Variants in GDA observed in about 807,000 individuals in gnomAD.
GDA encodes cytoplasmic PSD-95 interactor.
GDA carries 18 observed loss-of-function variants against 59.6 expected under a neutral mutation model. The observed-to-expected ratio is 0.30, with a 90% CI of 0.21 to 0.45. GDA has a LOEUF of 0.45. Among genes scored for constraint, GDA ranks in the 20% least tolerant of loss-of-function variants. The pLI is 1.00. For synonymous variants in GDA, 201 were observed against 201.1 expected (o/e 1.00, Z 0.00); for missense variants, 427 against 552.3 (o/e 0.77, Z 2.27).
chr9:72,187,325 T>C (rs1293918883), intron 1 of GDA, among the ~76,000 whole-genome samples: 1 of 152,196 alleles, frequency 6.6e-6, no homozygotes. Context: ...TTAATCTTGT[T>C]ACCATAGTAG....
intron 10 of GDA, among the ~76,000 whole-genome samples, chr9:72,238,112 C>A (rs1482423954): frequency 6.6e-6 from 1 of 152,182 alleles, no homozygotes; most frequent in Non-Finnish European, 1.5e-5. Context: ...TGACACCCAT[C>A]CACTGCCCAG....
At chr9:72,116,506 C>A (rs1825453543) in intron 1 of GDA, among the ~76,000 whole-genome samples, 2 of 150,764 alleles carry the variant, frequency 1.3e-5, no homozygotes, top group African/African-American at 4.9e-5. Flanking sequence ...CCTCAGCCTT[C>A]CGAGTAGGTA....
chr9:72,249,773 AC>A lies in GDA; in HGVS notation c.*1432del. Reference sequence around the variant, plus strand: ...CACTCATTCCTAGAGCTTAGGGGTGACTCTTTAATATTACCTTATAGTAGAA... The same window carrying A: ...CACTCATTCCTAGAGCTTAGGGGTGATCTTTAATATTACCTTATAGTAGAA... On this transcript the variant is annotated 3_prime_UTR_variant, in exon 14 of 14. Transcript: ENST00000358399. 1 of 856,842 alleles carries A rather than the reference AC, an allele frequency of 1.2e-6. No homozygotes were observed. The highest frequency in any genetic ancestry group is 1.4e-6 in the Non-Finnish European group (1 of 712,930). 53.1% of individuals were successfully genotyped at this position (856,842 alleles called of 1,614,324 possible). A position where few individuals can be genotyped will look rare whatever the true frequency, so the allele number is the denominator to read the frequency against.
rs1210258351 is a variant in GDA at position 72,249,170 on chromosome 9, G to T, written c.*828G>T. Reference sequence around the variant, plus strand: ...AGATGTTATTGCTTCCATTTTATTAGAAGAGAAACAAATTCCATGCTTTAT... The same window carrying T: ...AGATGTTATTGCTTCCATTTTATTATAAGAGAAACAAATTCCATGCTTTAT... On this transcript the variant is annotated 3_prime_UTR_variant, in exon 14 of 14. Coordinates refer to ENST00000358399, the MANE Select transcript of GDA (RefSeq NM_004293.5). The T allele has an allele frequency of 1.0e-6, 1 of 983,290 alleles. No homozygotes were observed. Among genetic ancestry groups the T allele is most frequent in the Non-Finnish European group, 1.2e-6 (1 of 828,074 alleles). The allele number at this position is 983,290 out of a possible 1,614,324, so 60.9% of individuals were successfully genotyped here. A position where few individuals can be genotyped will look rare whatever the true frequency, so the allele number is the denominator to read the frequency against.
intron 1 of GDA, among the ~76,000 whole-genome samples, chr9:72,174,981 G>T (rs1378918245): frequency 6.6e-6 from 1 of 152,088 alleles, no homozygotes; most frequent in African/African-American, 2.4e-5. Context: ...TGCTTAGGGG[G>T]TCTGAAATGG....
chr9:72,205,798 C>G (rs370880117), intron 3 of GDA, among the ~76,000 whole-genome samples: 1 of 152,140 alleles, frequency 6.6e-6, no homozygotes. Context: ...GAAGCATGCT[C>G]AGGCCAAATT....
At chr9:72,208,061 A>G (rs575601233) in intron 3 of GDA, among the ~76,000 whole-genome samples, 107 of 152,234 alleles carry the variant, frequency 7.0e-4, no homozygotes, top group Admixed American at 1.2e-3. Flanking sequence ...GTGATGTGTG[A>G]TGGCACCTCT....
rs1212255344 is a variant in GDA at position 72,250,865 on chromosome 9, AT to A, written c.*2525del. The A allele has an allele frequency of 6.3e-7, 1 of 1,589,538 alleles. No homozygotes were observed. The highest frequency in any genetic ancestry group is 1.3e-5 in the African/African-American group (1 of 74,332). On this transcript the variant is annotated 3_prime_UTR_variant, in exon 14 of 14. Transcript: ENST00000358399. Reference sequence around the variant, plus strand: ...AGGTAAAAACAATTCAAAAGTATCGATTATCATAAATTCACAAAATATTTTT... The same window carrying A: ...AGGTAAAAACAATTCAAAAGTATCGATATCATAAATTCACAAAATATTTTT...
chr9:72,124,025 T>C (rs1587296529), intron 1 of GDA, among the ~76,000 whole-genome samples: 2 of 152,170 alleles, frequency 1.3e-5, no homozygotes, highest in East Asian at 3.9e-4. Flanking sequence ...AGTGGAACAC[T>C]TGAGAGTATT....
At chr9:72,223,388 T>A (rs1053719281) in intron 7 of GDA, among the ~76,000 whole-genome samples, 161 bp downstream of exon 7, 7 of 152,228 alleles carry the variant, frequency 4.6e-5, no homozygotes, top group Non-Finnish European at 8.8e-5. Flanking sequence ...AAAGGACCCC[T>A]GTAGATATCA....
At chr9:72,154,757 G>C (rs567984178) in intron 1 of GDA, among the ~76,000 whole-genome samples, 1 of 152,280 alleles carries the variant, frequency 6.6e-6, no homozygotes. Flanking sequence ...GAATTAGTAT[G>C]GGGCAAAGGC....
downstream of GDA, among the ~76,000 whole-genome samples, chr9:72,255,810 G>A (rs1340991071): frequency 6.6e-6 from 1 of 152,052 alleles, no homozygotes; most frequent in Non-Finnish European, 1.5e-5. Context: ...ATTAAAGCTG[G>A]GTAATAGGCT....
At chr9:72,200,598 G>T (rs868149551) in intron 2 of GDA, among the ~76,000 whole-genome samples, 2 of 143,936 alleles carry the variant, frequency 1.4e-5, no homozygotes, top group African/African-American at 5.1e-5. Context: ...AGTAGACATT[G>T]GGAAATATTA....
chr9:72,258,743 T>C (rs777626124), downstream of GDA, among the ~76,000 whole-genome samples: 1 of 152,188 alleles, frequency 6.6e-6, no homozygotes, highest in Non-Finnish European at 1.5e-5. Context: ...TCCTGTGACC[T>C]TTGTAGGTGG....
intron 10 of GDA, among the ~76,000 whole-genome samples, chr9:72,233,820 T>G (rs1437473058): frequency 6.6e-6 from 1 of 152,110 alleles, no homozygotes; most frequent in African/African-American, 2.4e-5. Context: ...CATGCACTTG[T>G]AATCCCAGCT....
At chr9:72,189,166 CTTTTTTTTTTTTTTTTTT>C (rs71493640) in intron 1 of GDA, among the ~76,000 whole-genome samples, 3 of 54,934 alleles carry the variant, frequency 5.5e-5, no homozygotes, top group Non-Finnish European at 1.0e-4. Flanking sequence ...AGACTCTAGA[CTTTTTTTTTTTTTTTTTT>C]TTTTTTTTTT....
At chr9:72,243,304 T>C (rs1839821547) in intron 11 of GDA, among the ~76,000 whole-genome samples, 1 of 152,214 alleles carries the variant, frequency 6.6e-6, no homozygotes, top group Non-Finnish European at 1.5e-5. Flanking sequence ...GAATTGTGTC[T>C]TTTTTGGTTA....
chr9:72,248,807 A>G lies in GDA; in HGVS notation c.*465A>G. 1.0e-6 allele frequency: 1 copy of G among 990,668 alleles called. No individual in the cohort carries two copies. Among genetic ancestry groups the G allele is most frequent in the Non-Finnish European group, 1.2e-6 (1 of 832,244 alleles). The allele number at this position is 990,668 out of a possible 1,614,324, so 61.4% of individuals were successfully genotyped here. A position where few individuals can be genotyped will look rare whatever the true frequency, so the allele number is the denominator to read the frequency against. On this transcript the variant is annotated 3_prime_UTR_variant, in exon 14 of 14. Transcript: ENST00000358399. Reference sequence around the variant, plus strand: ...GACTGAGAACAAACGTTAGAAAATCACTTCAGATTGTGTTTGAAAATTATA... The same window carrying G: ...GACTGAGAACAAACGTTAGAAAATCGCTTCAGATTGTGTTTGAAAATTATA...
chr9:72,168,349 C>T (rs1052376916), intron 1 of GDA, among the ~76,000 whole-genome samples: 3 of 150,748 alleles, frequency 2.0e-5, no homozygotes, highest in Non-Finnish European at 4.4e-5. Flanking sequence ...ATTGTGATTG[C>T]ACCACTGCAC....
Sources: allele counts gnomAD v4.1 joint callset (sites outside exome capture counted in the v4.1 genomes callset), GRCh38; gene constraint gnomAD v4.1.1; transcripts MANE v1.5; gene names NCBI Gene and HGNC (gene_info 2026-07-23, HGNC 2026-07-21).